Variants in SERPINB5 observed in about 807,000 individuals in gnomAD.
SERPINB5 encodes serpin B5.
Under a neutral mutation model 32.2 loss-of-function variants are expected in SERPINB5, and 27 were observed. That is an observed-to-expected ratio of 0.84 (90% confidence interval 0.62 to 1.16). The LOEUF is 1.16. SERPINB5 is among the 50% of genes most tolerant of loss of function. The pLI is 0.00. For synonymous variants in SERPINB5, 154 were observed against 157.4 expected (o/e 0.98, Z 0.16); for missense variants, 388 against 436.3 (o/e 0.89, Z 0.99).
intron 1 of SERPINB5, among the ~76,000 whole-genome samples, chr18:63,478,230 T>C (rs752884142): frequency 5.5e-4 from 84 of 152,320 alleles, no homozygotes; most frequent in Non-Finnish European, 5.4e-4. Context: ...ACTTTGGGGC[T>C]ATGCAGTCTC....
At chr18:63,484,737 T>TAA in intron 2 of SERPINB5, 141 bp downstream of exon 2, 2 of 472,554 alleles carry the variant, frequency 4.2e-6, no homozygotes, top group East Asian at 4.4e-5. Context: ...AGGACTCTCT[T>TAA]AATCTTTTTT....
intron 1 of SERPINB5, among the ~76,000 whole-genome samples, chr18:63,479,357 A>AAAACTTAG (rs1298598863): frequency 1.3e-5 from 2 of 152,198 alleles, no homozygotes; most frequent in Non-Finnish European, 2.9e-5. Flanking sequence ...AGATGCATAA[A>AAAACTTAG]AAACTTAGGA....
At chr18:63,495,059 G>C (rs1261688006) in intron 5 of SERPINB5, among the ~76,000 whole-genome samples, 1 of 152,172 alleles carries the variant, frequency 6.6e-6, no homozygotes, top group Non-Finnish European at 1.5e-5. Flanking sequence ...GACTGTTACT[G>C]CTCCTTACCA....
intron 1 of SERPINB5, among the ~76,000 whole-genome samples, chr18:63,481,778 C>CA: frequency 6.6e-6 from 1 of 152,190 alleles, no homozygotes. Flanking sequence ...GTGAAACACT[C>CA]AACAGGCTTT....
chr18:63,488,775 G>T (rs891563013), intron 3 of SERPINB5, among the ~76,000 whole-genome samples: 1 of 152,140 alleles, frequency 6.6e-6, no homozygotes, highest in Non-Finnish European at 1.5e-5. Flanking sequence ...GTTCTCTCCT[G>T]CATTGTGTTT....
At chr18:63,497,427 C>T (rs1909472886) in intron 5 of SERPINB5, 2 of 909,644 alleles carry the variant, frequency 2.2e-6, no homozygotes, top group Admixed American at 1.8e-5. Flanking sequence ...CCTGCCTGTC[C>T]CTGCTGCTGC....
At chr18:63,499,361 G>A (rs1909524361) in intron 6 of SERPINB5, 74 bp downstream of exon 6, 1 of 1,320,106 alleles carries the variant, frequency 7.6e-7, no homozygotes, top group Non-Finnish European at 1.0e-6. Flanking sequence ...AGGTCTGTGT[G>A]GGCCGTGAGA....
chr18:63,500,817 T>G (rs1909555091), intron 6 of SERPINB5, among the ~76,000 whole-genome samples: 1 of 152,180 alleles, frequency 6.6e-6, no homozygotes, highest in Non-Finnish European at 1.5e-5. Context: ...GCTTGCTCCT[T>G]TGGTTGCCAT....
At position 63,503,332 on chromosome 18, in the gene SERPINB5, T is replaced by C. The variant is rs1477269969; in HGVS notation, c.738T>C (p.Ile246=). The C allele has an allele frequency of 4.4e-6, 7 of 1,605,402 alleles. No homozygotes were observed. Among genetic ancestry groups the C allele is most frequent in the Middle Eastern group, 1.6e-4 (1 of 6,070 alleles). Residue 246 remains isoleucine, a splice_region_variant and synonymous_variant, in exon 7 of 7, where the codon ATT becomes ATC. Coordinates refer to ENST00000382771, the MANE Select transcript of SERPINB5 (RefSeq NM_002639.5). ...VEDESTGLEK[I]EKQLNSESLS... The stretch of plus-strand genomic sequence containing the variant: ...TTCTTTTCATTTTTGTCCTTCAGAT[T>C]GAAAAACAACTCAACTCAGAGTCAC...
chr18:63,499,353 G>A, intron 6 of SERPINB5, 66 bp downstream of exon 6: 1 of 1,369,444 alleles, frequency 7.3e-7, no homozygotes, highest in Admixed American at 2.5e-5. Flanking sequence ...GTGCCAACAG[G>A]TCTGTGTGGG....
At chr18:63,484,290 A>C in intron 1 of SERPINB5, 132 bp from the exon 2 acceptor site, 1 of 938,104 alleles carries the variant, frequency 1.1e-6, no homozygotes, top group Non-Finnish European at 1.5e-6. Context: ...TTTTGAATTT[A>C]CAGAAAGTTC....
chr18:63,480,311 C>T (rs1200634895), intron 1 of SERPINB5, among the ~76,000 whole-genome samples: 1 of 152,156 alleles, frequency 6.6e-6, no homozygotes, highest in Non-Finnish European at 1.5e-5. Flanking sequence ...AATAAAGTTC[C>T]TTTTAAACTT....
chr18:63,486,897 C>T (rs749787481), intron 2 of SERPINB5, 49 bp from the exon 3 acceptor site: 2 of 1,601,776 alleles, frequency 1.2e-6, no homozygotes, highest in Non-Finnish European at 1.7e-6. Flanking sequence ...TTCAGTACAG[C>T]ACTACTCAGA....
intron 2 of SERPINB5, 139 bp from the exon 3 acceptor site, chr18:63,486,807 G>C: frequency 1.3e-6 from 1 of 794,128 alleles, no homozygotes; most frequent in Non-Finnish European, 2.1e-6. Context: ...ATAGTGCTGA[G>C]GTTGAGGAGC....
chr18:63,496,594 C>T (rs2144506477), intron 5 of SERPINB5, among the ~76,000 whole-genome samples: 1 of 152,232 alleles, frequency 6.6e-6, no homozygotes, highest in East Asian at 1.9e-4. Flanking sequence ...TAACGTTTAG[C>T]TCTGCTGGAG....
At chr18:63,488,196 T>A (rs914810022) in intron 3 of SERPINB5, among the ~76,000 whole-genome samples, 2 of 152,190 alleles carry the variant, frequency 1.3e-5, no homozygotes, top group Admixed American at 6.5e-5. Flanking sequence ...GTTCTGTCAG[T>A]CAATGGTGAC....
intron 5 of SERPINB5, among the ~76,000 whole-genome samples, chr18:63,494,595 C>A (rs1909410519): frequency 1.3e-5 from 2 of 152,176 alleles, no homozygotes; most frequent in African/African-American, 4.8e-5. Context: ...TACTTAGCAT[C>A]AATATCTTGT....
intron 3 of SERPINB5, among the ~76,000 whole-genome samples, chr18:63,489,013 A>ATGTATTCTATACAGATACATATGTCT (rs1298797048): frequency 3.5e-4 from 53 of 152,326 alleles, no homozygotes; most frequent in Non-Finnish European, 5.7e-4. Context: ...CCTATATTCT[A>ATGTATTCTATACAGATACATATGTCT]ATATATATGT....
At chr18:63,487,143 C>T in intron 3 of SERPINB5, 60 bp downstream of exon 3, 1 of 1,519,676 alleles carries the variant, frequency 6.6e-7, no homozygotes. Context: ...CATTTTCATG[C>T]TGTTAGACCT....
Sources: gnomAD v4.1 joint callset for allele counts (sites outside exome capture counted in the v4.1 genomes callset) on GRCh38, gnomAD v4.1.1 for gene constraint, MANE v1.5 for transcripts, NCBI Gene and HGNC (gene_info 2026-07-23, HGNC 2026-07-21) for gene names.